Variants in MRPL50 observed in about 807,000 individuals in gnomAD.
MRPL50 encodes mitochondrial ribosomal protein L50.
In MRPL50, 10 loss-of-function variants were observed where a neutral mutation model predicts 16.2. That is an observed-to-expected ratio of 0.62 (90% CI 0.38 to 1.05). The LOEUF (loss-of-function observed/expected upper bound fraction) is 1.05. MRPL50 is among the 50% of genes least tolerant of loss of function. MRPL50 has a pLI of 0.01. For missense variants in MRPL50, 213 were observed against 187.1 expected (o/e 1.14, Z -0.81); for synonymous variants, 68 against 66.8 (o/e 1.02, Z -0.09).
intron 1 of MRPL50, among the ~76,000 whole-genome samples, chr9:101,394,016 C>T (rs1467308838): frequency 7.0e-6 from 1 of 143,112 alleles, no homozygotes; most frequent in Non-Finnish European, 1.5e-5. Flanking sequence ...AAAAAAAGAC[C>T]ACACCTAACT....
rs1026106562 is a variant in MRPL50, at chr9:101,389,322, A to G, written c.*1144T>C. The stretch of plus-strand genomic sequence containing the variant: ...AACCAATCCCCAAGGAATCAACTCT[A>G]ATGTCTAAGCTCCAGAGCTCCAGGC... On this transcript the variant is annotated 3_prime_UTR_variant, in exon 2 of 2. Transcript: ENST00000374865. The G allele has an allele frequency of 2.1e-6, 1 of 465,852 alleles. No homozygotes were observed. The highest frequency in any genetic ancestry group is 3.4e-6 in the Non-Finnish European group (1 of 295,634). The allele number at this position is 465,852 out of a possible 1,614,324, so 28.9% of individuals were successfully genotyped here.
rs1001198910 is a variant in MRPL50 at position 101,389,811 on chromosome 9, A to T, written c.*655T>A. Reference sequence around the variant, plus strand: ...ATCATCTCCTCTGAAGAGAATATGCAATTAGACATAGAATCTGGCACATCT... The same window carrying T: ...ATCATCTCCTCTGAAGAGAATATGCTATTAGACATAGAATCTGGCACATCT... On this transcript the variant is annotated 3_prime_UTR_variant, in exon 2 of 2. Coordinates refer to ENST00000374865, the MANE Select transcript of MRPL50 (RefSeq NM_019051.3). The T allele has an allele frequency of 1.6e-5, 3 of 193,124 alleles. No homozygotes were observed. Among genetic ancestry groups the T allele is most frequent in the Non-Finnish European group, 2.9e-5 (3 of 103,252 alleles). The allele number at this position is 193,124 out of a possible 1,614,324, so 12.0% of individuals were successfully genotyped here.
chr9:101,390,392 A>T lies in MRPL50; in HGVS notation c.*74T>A. ...CTGGTAGTATTTCACATGGTAAAGT[A>T]TCAAAAGATCTAATGAGCAGCCCCC... On this transcript the variant is annotated 3_prime_UTR_variant, in exon 2 of 2. Coordinates refer to ENST00000374865, the MANE Select transcript of MRPL50 (RefSeq NM_019051.3). 1 of 1,530,394 alleles carries T rather than the reference A, an allele frequency of 6.5e-7. No individual in the cohort carries two copies. The allele number at this position is 1,530,394 out of a possible 1,614,324, so 94.8% of individuals were successfully genotyped here.
chr9:101,397,812 ACTAT>A (rs1232709134), intron 1 of MRPL50, among the ~76,000 whole-genome samples: 37 of 152,376 alleles, frequency 2.4e-4, no homozygotes, highest in African/African-American at 7.9e-4. Flanking sequence ...TTTCCTAAAC[ACTAT>A]CTAAGTCAAA....
At chr9:101,392,163 A>G (rs1217398153) in intron 1 of MRPL50, among the ~76,000 whole-genome samples, 1 of 152,092 alleles carries the variant, frequency 6.6e-6, no homozygotes, top group African/African-American at 2.4e-5. Flanking sequence ...ATACAGCAGA[A>G]GCAGTAGTAA....
chr9:101,390,680 T>C lies in MRPL50; in HGVS notation c.263A>G (p.Asp88Gly). 1 of 1,613,540 alleles carries C rather than the reference T, an allele frequency of 6.2e-7. No homozygotes were observed. Residue 88 changes from aspartate to glycine, a missense_variant, in exon 2 of 2, where the codon GAC becomes GGC. Transcript: ENST00000374865. ...TAGACGACTATCTTCCAGGGAGATG[T>C]CTTGCCAATTACTAGGAAGAGATGA... The part of the protein sequence containing the change: ...FGSSLPSNWQ[D>G]ISLEDSRLKF...
rs1163011900 is a variant in MRPL50, at chr9:101,387,955, T to C, written c.*2511A>G. On this transcript the variant is annotated 3_prime_UTR_variant, in exon 2 of 2. Transcript: ENST00000374865. The stretch of plus-strand genomic sequence containing the variant: ...TTCACTGTATTGAACTATAAACCAG[T>C]GATGCCCTCTAGTGGTACTGATGGA... The C allele has an allele frequency of 2.6e-5, 4 of 152,096 alleles. No homozygotes were observed. In the East Asian group the frequency reaches 7.7e-4, roughly 29 times the overall value. The allele number at this position is 152,096 out of a possible 1,614,324, so 9.4% of individuals were successfully genotyped here.
intron 1 of MRPL50, among the ~76,000 whole-genome samples, chr9:101,394,553 T>A (rs1830316362): frequency 6.6e-6 from 1 of 152,192 alleles, no homozygotes; most frequent in African/African-American, 2.4e-5. Context: ...GGGAGACAGA[T>A]TTGACTAATA....
Position 101,398,525 on chromosome 9 carries a change from C to G in MRPL50, c.68G>C (p.Cys23Ser). ...VFMWTVSGTP[C>S]REFWSRFRKE... Reference sequence around the variant, plus strand: ...CCTGAATCGAGACCAAAATTCTCTACATGGTGTCCCTGAGACTGTCCACAT... The same window carrying G: ...CCTGAATCGAGACCAAAATTCTCTAGATGGTGTCCCTGAGACTGTCCACAT... Residue 23 changes from cysteine (C) to serine (S), a missense_variant, in exon 1 of 2, where the codon TGT becomes TCT. By Grantham distance (112) the Cys-to-Ser change is moderately radical (BLOSUM62 -1). Transcript: ENST00000374865. 1 of 1,614,126 alleles carries G rather than the reference C, an allele frequency of 6.2e-7. No homozygotes were observed. Among genetic ancestry groups the G allele is most frequent in the Non-Finnish European group, 8.5e-7 (1 of 1,180,014 alleles).
intron 1 of MRPL50, among the ~76,000 whole-genome samples, chr9:101,394,650 C>A (rs182011172): frequency 3.9e-5 from 6 of 152,298 alleles, no homozygotes; most frequent in African/African-American, 9.6e-5. Context: ...TCAGCTCTGT[C>A]TAGGCAAAGT....
intron 1 of MRPL50, among the ~76,000 whole-genome samples, chr9:101,395,750 T>C (rs1254136131): frequency 1.3e-5 from 2 of 150,736 alleles, no homozygotes. Context: ...AAATTGATGG[T>C]TACCAGAGGC....
chr9:101,389,201 A>G lies in MRPL50; in HGVS notation c.*1265T>C. The G allele has an allele frequency of 5.3e-6, 1 of 187,984 alleles. No homozygotes were observed. The highest frequency in any genetic ancestry group is 1.1e-5 in the Non-Finnish European group (1 of 89,276). 11.6% of individuals were successfully genotyped at this position (187,984 alleles called of 1,614,324 possible). ...GTAATCTAAAGATGATTTAAAGTAT[A>G]TGGGAGGATGTGCATACATAATATG... On this transcript the variant is annotated 3_prime_UTR_variant, in exon 2 of 2. Transcript: ENST00000374865.
intron 1 of MRPL50, among the ~76,000 whole-genome samples, chr9:101,397,712 A>C (rs773202289): frequency 5.9e-5 from 9 of 152,228 alleles, no homozygotes; most frequent in Non-Finnish European, 1.3e-4. Flanking sequence ...ATCTGAACTG[A>C]TGAAAAAGAT....
chr9:101,389,389 A>G lies in MRPL50; in HGVS notation c.*1077T>C, dbSNP rs540408386. ...TTCTTGAATGAAGTGCCTGTGGATGATATTTGTAGGGCATGTCTATACTGT... is the reference window on the plus strand; with the variant it reads ...TTCTTGAATGAAGTGCCTGTGGATGGTATTTGTAGGGCATGTCTATACTGT... On this transcript the variant is annotated 3_prime_UTR_variant, in exon 2 of 2. Coordinates refer to ENST00000374865, the MANE Select transcript of MRPL50 (RefSeq NM_019051.3). 34 of 1,095,416 alleles carry G rather than the reference A, an allele frequency of 3.1e-5. No individual in the cohort carries two copies. The highest frequency in any genetic ancestry group is 4.0e-5 in the Non-Finnish European group (33 of 823,388). The allele number at this position is 1,095,416 out of a possible 1,614,324, so 67.9% of individuals were successfully genotyped here. A position where few individuals can be genotyped will look rare whatever the true frequency, so the allele number is the denominator to read the frequency against.
chr9:101,396,694 A>G (rs145029942), intron 1 of MRPL50, among the ~76,000 whole-genome samples: 1 of 152,344 alleles, frequency 6.6e-6, no homozygotes, highest in African/African-American at 2.4e-5. Context: ...CTGTAATCCC[A>G]GCACTTTGGG....
chr9:101,394,572 C>G (rs1229113371), intron 1 of MRPL50, among the ~76,000 whole-genome samples: 3 of 152,302 alleles, frequency 2.0e-5, no homozygotes, highest in Admixed American at 2.0e-4. Context: ...TAATAAAACT[C>G]CAGTATCCTC....
chr9:101,390,704 G>A lies in MRPL50; in HGVS notation c.239C>T (p.Ser80Leu). 1 of 1,443,774 alleles carries A rather than the reference G, an allele frequency of 6.9e-7. No homozygotes were observed. The highest frequency in any genetic ancestry group is 9.4e-7 in the Non-Finnish European group (1 of 1,062,770). The allele number at this position is 1,443,774 out of a possible 1,614,324, so 89.4% of individuals were successfully genotyped here. The change falls in exon 2 of 2, where the codon TCA becomes TTA. Residue 80 changes from serine (S) to leucine (L), a missense_variant. Ser to Leu is a moderately radical substitution (Grantham distance 145). Transcript: ENST00000374865. Reference sequence around the variant, plus strand: ...GTCTTGCCAATTACTAGGAAGAGATGAACCAAAAACTTCTTTAACGTAAGA... The same window carrying A: ...GTCTTGCCAATTACTAGGAAGAGATAAACCAAAAACTTCTTTAACGTAAGA... ...LESYVKEVFG[S>L]SLPSNWQDIS...
Position 101,389,398 on chromosome 9 carries a change from G to C in MRPL50, c.*1068C>G. On this transcript the variant is annotated 3_prime_UTR_variant, in exon 2 of 2. Coordinates refer to ENST00000374865, the MANE Select transcript of MRPL50 (RefSeq NM_019051.3). ...GAAGTGCCTGTGGATGATATTTGTA[G>C]GGCATGTCTATACTGTTAACTAATT... 3.5e-6 allele frequency: 4 copies of C among 1,139,782 alleles called. No individual in the cohort carries two copies. Among genetic ancestry groups the C allele is most frequent in the Non-Finnish European group, 4.6e-6 (4 of 860,946 alleles). 70.6% of individuals were successfully genotyped at this position (1,139,782 alleles called of 1,614,324 possible).
In MRPL50 at chr9:101,389,252, G is replaced by C. The variant is rs1387703428; in HGVS notation, c.*1214C>G. 10 of 242,024 alleles carry C rather than the reference G, an allele frequency of 4.1e-5. No homozygotes were observed. The highest frequency in any genetic ancestry group is 2.5e-5 in the Non-Finnish European group (3 of 119,482). The allele number at this position is 242,024 out of a possible 1,614,324, so 15.0% of individuals were successfully genotyped here. On this transcript the variant is annotated 3_prime_UTR_variant, in exon 2 of 2. Coordinates refer to ENST00000374865, the MANE Select transcript of MRPL50 (RefSeq NM_019051.3). Reference sequence around the variant, plus strand: ...CAAATACTACATCATTTTATAAAAGGGGCTTGGGCATCTGTGGACTTTGGT... The same window carrying C: ...CAAATACTACATCATTTTATAAAAGCGGCTTGGGCATCTGTGGACTTTGGT...
Sources: allele counts gnomAD v4.1 joint callset (sites outside exome capture counted in the v4.1 genomes callset), GRCh38; gene constraint gnomAD v4.1.1; transcripts MANE v1.5; gene names NCBI Gene and HGNC (gene_info 2026-07-23, HGNC 2026-07-21).